The following PHACTR2 variants were observed in gnomAD, a reference collection of about 807,000 sequenced individuals.
The protein encoded by PHACTR2 is chromosome 6 open reading frame 56.
PHACTR2 carries 30 observed loss-of-function variants against 76.0 expected under a neutral mutation model. That is an observed-to-expected ratio of 0.39 (90% CI 0.30 to 0.54). PHACTR2 has a LOEUF of 0.54. Among genes scored for constraint, PHACTR2 ranks in the 20% least tolerant of loss-of-function variants. The pLI, the probability that PHACTR2 is intolerant of heterozygous loss-of-function variation, is 0.61. For synonymous variants in PHACTR2, 292 were observed against 292.5 expected (o/e 1.00, Z 0.02); for missense variants, 696 against 781.1 (o/e 0.89, Z 1.30).
At chr6:143,805,055 G>A (rs1776034513) in intron 11 of PHACTR2, among the ~76,000 whole-genome samples, 1 of 152,212 alleles carries the variant, frequency 6.6e-6, no homozygotes, top group African/African-American at 2.4e-5. Context: ...TGAGGGCATA[G>A]CCAAGACTAG....
intron 2 of PHACTR2, among the ~76,000 whole-genome samples, chr6:143,725,841 G>T (rs1217003798): frequency 6.7e-6 from 1 of 149,782 alleles, no homozygotes; most frequent in Non-Finnish European, 1.5e-5. Flanking sequence ...AAAAAAGAAT[G>T]TCATATAAAT....
intron 1 of PHACTR2, among the ~76,000 whole-genome samples, chr6:143,586,976 G>T (rs1160014510): frequency 6.6e-6 from 1 of 152,142 alleles, no homozygotes; most frequent in Non-Finnish European, 1.5e-5. Flanking sequence ...AACATGAAAT[G>T]GTTTGTGGCA....
rs1167746085 is a variant in PHACTR2 at position 143,625,896 on chromosome 6, G to A, written c.13+17574G>A. Among the ~76,000 whole-genome samples the A allele has an allele frequency of 1.3e-5, 2 of 152,170 alleles. No individual in the cohort carries two copies. The highest frequency in any genetic ancestry group is 2.9e-5 in the Non-Finnish European group (2 of 68,036). On this transcript the variant is annotated intron_variant, in intron 1 of 11. Transcript: ENST00000305766. This position sits in a 1 kb window ranked among gnomAD's most constrained non-coding sequence, Gnocchi z 4.3. ...CCATGAAGAAAGGTAAAGCAGAGTG[G>A]TGGGGCAGGGACAACTGAAGAGCTC...
Position 143,811,840 on chromosome 6 carries a change from A to G in PHACTR2, c.1922+4707A>G, listed in dbSNP as rs957391222. On this transcript the variant is annotated intron_variant, in intron 12 of 12. Coordinates refer to ENST00000440869, the MANE Select transcript of PHACTR2 (RefSeq NM_001100164.2). The surrounding 1 kb of genome is among the most constrained non-coding windows in gnomAD (Gnocchi z 4.1). The stretch of plus-strand genomic sequence containing the variant: ...CTACTCTTTCTAATAAAAATAATAC[A>G]AAAACATGATCCAGTTTTACATTTA... Among the ~76,000 whole-genome samples, 3 of 152,358 alleles carry G rather than the reference A, an allele frequency of 2.0e-5. No homozygotes were observed. The highest frequency in any genetic ancestry group is 4.4e-5 in the Non-Finnish European group (3 of 68,030).
intron 1 of PHACTR2, among the ~76,000 whole-genome samples, chr6:143,667,179 G>C (rs535100999): frequency 6.6e-6 from 1 of 152,194 alleles, no homozygotes; most frequent in Non-Finnish European, 1.5e-5. Flanking sequence ...TCAGAGATCA[G>C]ATAGTTGTAG....
At chr6:143,590,576 CAAGT>C (rs1435671852) in intron 1 of PHACTR2, among the ~76,000 whole-genome samples, 1 of 151,360 alleles carries the variant, frequency 6.6e-6, no homozygotes, top group African/African-American at 2.4e-5. Flanking sequence ...TTTGCAATCA[CAAGT>C]GGGTGCTATT....
At position 143,624,360 on chromosome 6, in the gene PHACTR2, G is replaced by A. The variant is rs575180160; in HGVS notation, c.13+16038G>A. 2.6e-5 allele frequency among the ~76,000 whole-genome samples: 4 copies of A among 152,240 alleles called. No homozygotes were observed. The highest frequency in any genetic ancestry group is 9.6e-5 in the African/African-American group (4 of 41,552). ...GACCTCAGGTGATCCACCCACCTTG[G>A]CCTCCTAAAGTGCTAGGATTACAGG... On this transcript the variant is annotated intron_variant, in intron 1 of 11. Coordinates refer to the PHACTR2 transcript ENST00000305766. This position sits in a 1 kb window ranked among gnomAD's most constrained non-coding sequence, Gnocchi z 4.6.
chr6:143,676,534 A>G (rs975331895), upstream of PHACTR2, among the ~76,000 whole-genome samples: 2 of 152,220 alleles, frequency 1.3e-5, no homozygotes, highest in Non-Finnish European at 2.9e-5. The surrounding 1 kb of genome is among the most constrained non-coding windows in gnomAD (Gnocchi z 4.8). Flanking sequence ...ACTTACCTTT[A>G]ACCACTTTTG....
In PHACTR2 at chr6:143,700,904, G is replaced by A. The variant is rs1777897753; in HGVS notation, c.47-11112G>A. On this transcript the variant is annotated intron_variant, in intron 1 of 12. Transcript: ENST00000440869. This position sits in a 1 kb window ranked among gnomAD's most constrained non-coding sequence, Gnocchi z 4.1. ...GATTCCTGTCACGTTTTTCCTCTCT[G>A]TAGCGACATCTTGCTATTCCTAAGC... is the stretch of plus-strand genomic sequence containing the variant. Among the ~76,000 whole-genome samples the A allele has an allele frequency of 6.6e-6, 1 of 152,218 alleles. No homozygotes were observed. The highest frequency in any genetic ancestry group is 2.4e-5 in the African/African-American group (1 of 41,450).
intron 2 of PHACTR2, among the ~76,000 whole-genome samples, chr6:143,734,456 G>C (rs6936437): frequency 0.068 from 10,284 of 152,236 alleles, 1,163 homozygotes; most frequent in African/African-American, 0.23. Context: ...CAAGTCTCCC[G>C]TCTTTTCCAG....
intron 3 of PHACTR2, among the ~76,000 whole-genome samples, chr6:143,749,435 A>G (rs180856923): frequency 9.1e-4 from 139 of 152,312 alleles, no homozygotes; most frequent in African/African-American, 3.2e-3. Flanking sequence ...GCAAAGTTTT[A>G]GCTTGGTTCA....
chr6:143,786,268 G>T (rs141712920), intron 10 of PHACTR2, among the ~76,000 whole-genome samples: 2 of 152,040 alleles, frequency 1.3e-5, no homozygotes, highest in African/African-American at 4.8e-5. Flanking sequence ...GCAAAATGCC[G>T]CCATTCTTTT....
At position 143,623,282 on chromosome 6, in the gene PHACTR2, C is replaced by T. The variant is rs956901921; in HGVS notation, c.13+14960C>T. Among the ~76,000 whole-genome samples the T allele has an allele frequency of 1.3e-5, 2 of 151,780 alleles. No homozygotes were observed. The highest frequency in any genetic ancestry group is 2.9e-5 in the Non-Finnish European group (2 of 67,966). ...AATGTATTAGTATATTTAAATTGTC[C>T]CTTGCTCTTAATATATGGAGAGAGA... On this transcript the variant is annotated intron_variant, in intron 1 of 11. Coordinates refer to the PHACTR2 transcript ENST00000305766. The surrounding 1 kb of genome is among the most constrained non-coding windows in gnomAD (Gnocchi z 5.9).
intron 1 of PHACTR2, among the ~76,000 whole-genome samples, chr6:143,636,405 T>C (rs1025851384): frequency 6.6e-6 from 1 of 152,206 alleles, no homozygotes; most frequent in African/African-American, 2.4e-5. Flanking sequence ...TCTGATTCAT[T>C]TGAAGTATCA....
At chr6:143,805,726 T>C (rs1051553839) in intron 11 of PHACTR2, among the ~76,000 whole-genome samples, 2 of 152,222 alleles carry the variant, frequency 1.3e-5, no homozygotes, top group Non-Finnish European at 2.9e-5. Flanking sequence ...TAGCAAGCAT[T>C]ATTGTCACAG....
rs1000086909 is a variant in PHACTR2 at position 143,578,965 on chromosome 6, G to A, written c.217+41758G>A. 9.9e-5 allele frequency among the ~76,000 whole-genome samples: 15 copies of A among 152,034 alleles called. No individual in the cohort carries two copies. Among genetic ancestry groups the A allele is most frequent in the East Asian group, 1.9e-4 (1 of 5,186 alleles). ...GGCACCCAGGCTGGAGTGCAGTGGCGTGATCACAGCTCACTGCAACCTCCG... is the reference window on the plus strand; with the variant it reads ...GGCACCCAGGCTGGAGTGCAGTGGCATGATCACAGCTCACTGCAACCTCCG... On this transcript the variant is annotated intron_variant, in intron 1 of 11. Transcript: ENST00000367584. This position sits in a 1 kb window ranked among gnomAD's most constrained non-coding sequence, Gnocchi z 4.5.
chr6:143,827,520 A>G lies in PHACTR2; in HGVS notation c.*3831A>G, dbSNP rs1286713956. 1.3e-5 allele frequency: 2 copies of G among 152,128 alleles called. No homozygotes were observed. Among genetic ancestry groups the G allele is most frequent in the Non-Finnish European group, 2.9e-5 (2 of 68,018 alleles). The allele number at this position is 152,128 out of a possible 1,614,324, so 9.4% of individuals were successfully genotyped here. A position where few individuals can be genotyped will look rare whatever the true frequency, so the allele number is the denominator to read the frequency against. On this transcript the variant is annotated 3_prime_UTR_variant, in exon 13 of 13. Coordinates refer to ENST00000440869, the MANE Select transcript of PHACTR2 (RefSeq NM_001100164.2). ...AGAAATCTTCCTCAGAGTAGGTGGT[A>G]TGAAATTAAACTAGTACAATATATA... is the stretch of plus-strand genomic sequence containing the variant.
chr6:143,656,305 G>A lies in PHACTR2; in HGVS notation c.13+47983G>A, dbSNP rs1562260996. Reference sequence around the variant, plus strand: ...GTCTGCAAACTGAGAGATCTCTCAAGTCTTTCCTGGCTGTAACAGTTACAG... The same window carrying A: ...GTCTGCAAACTGAGAGATCTCTCAAATCTTTCCTGGCTGTAACAGTTACAG... On this transcript the variant is annotated intron_variant, in intron 1 of 11. Transcript: ENST00000305766. This position sits in a 1 kb window ranked among gnomAD's most constrained non-coding sequence, Gnocchi z 5.3. 1.3e-5 allele frequency among the ~76,000 whole-genome samples: 2 copies of A among 152,156 alleles called. No individual in the cohort carries two copies. Among genetic ancestry groups the A allele is most frequent in the African/African-American group, 4.8e-5 (2 of 41,444 alleles).
intron 12 of PHACTR2, among the ~76,000 whole-genome samples, chr6:143,817,234 C>G (rs563039506): frequency 1.3e-5 from 2 of 152,290 alleles, no homozygotes; most frequent in South Asian, 4.1e-4. Context: ...AGATGAACAT[C>G]TGAAGATTAG....
Sources: allele counts gnomAD v4.1 joint callset (sites outside exome capture counted in the v4.1 genomes callset), GRCh38; gene constraint gnomAD v4.1.1; non-coding constraint Gnocchi (gnomAD v3.1); transcripts MANE v1.5; gene names NCBI Gene and HGNC (gene_info 2026-07-23, HGNC 2026-07-21).